MALRD1: variants seen among roughly 807,000 people sequenced by gnomAD.
MALRD1 encodes MAM and LDL receptor class A domain containing 1, also known as MAM and LDL-receptor class A domain-containing protein 1.
MALRD1 carries 247 observed loss-of-function variants against 242.1 expected under a neutral mutation model. The ratio of observed to expected loss-of-function variants is 1.02; its 90% CI spans 0.92 to 1.13. The LOEUF is 1.13. Among genes scored for constraint, MALRD1 ranks in the 50% most tolerant of loss-of-function variants. The probability of loss-of-function intolerance (pLI) is 0.00; values close to 1 mark genes in which losing one functional copy is unlikely to be tolerated. For missense variants in MALRD1, 2,989 were observed against 2,533.1 expected, an observed-to-expected ratio of 1.18 and a Z score of -3.86; for synonymous variants, 995 against 866.6, an observed-to-expected ratio of 1.15 and a Z score of -2.60.
intron 11 of MALRD1, among the ~76,000 whole-genome samples, chr10:19,148,510 A>T (rs185050220): frequency 6.6e-6 from 1 of 152,108 alleles, no homozygotes; most frequent in Non-Finnish European, 1.5e-5. Flanking sequence ...GAAGACTAGG[A>T]AAAACACCAG....
chr10:19,201,320 A>G (rs752314353), intron 14 of MALRD1, among the ~76,000 whole-genome samples: 9 of 152,160 alleles, frequency 5.9e-5, no homozygotes, highest in Non-Finnish European at 1.2e-4. Context: ...TTTTAACAGC[A>G]TAATTATCTG....
intron 28 of MALRD1, among the ~76,000 whole-genome samples, chr10:19,437,993 A>G (rs1207011928): frequency 1.3e-5 from 2 of 152,112 alleles, no homozygotes; most frequent in Non-Finnish European, 2.9e-5. Flanking sequence ...GCTATTAAAT[A>G]TGCCTTGGTA....
At position 19,534,023 on chromosome 10, in the gene MALRD1, G is replaced by A. The variant is rs373910504; in HGVS notation, c.5478+2672G>A. Among the ~76,000 whole-genome samples the A allele has an allele frequency of 5.9e-5, 9 of 152,278 alleles. No individual in the cohort carries two copies. The East Asian group carries it at 1.5e-3, about 26-fold the overall frequency. On this transcript the variant is annotated intron_variant, in intron 32 of 39. Transcript: ENST00000454679. Reference sequence around the variant, plus strand: ...GTTGGTAGCCATCTTTCCCCACAAAGGGAGAGAGATTGTTTGACAAAGAAG... The same window carrying A: ...GTTGGTAGCCATCTTTCCCCACAAAAGGAGAGAGATTGTTTGACAAAGAAG...
intron 28 of MALRD1, among the ~76,000 whole-genome samples, chr10:19,428,362 A>T (rs1833981623): frequency 6.6e-6 from 1 of 152,060 alleles, no homozygotes; most frequent in Non-Finnish European, 1.5e-5. Flanking sequence ...CTTCACCTGA[A>T]ATTGTTCTGA....
chr10:19,575,694 A>G (rs1836784388), intron 33 of MALRD1, among the ~76,000 whole-genome samples: 1 of 152,156 alleles, frequency 6.6e-6, no homozygotes, highest in Non-Finnish European at 1.5e-5. Context: ...CCTTCTAAAT[A>G]TCCACTTTGA....
At chr10:19,596,462 G>A (rs192237227) in intron 34 of MALRD1, among the ~76,000 whole-genome samples, 2 of 152,236 alleles carry the variant, frequency 1.3e-5, no homozygotes, top group East Asian at 3.9e-4. Context: ...GGGTGCAGTG[G>A]CTCAGGCCTA....
At chr10:19,551,656 G>C (rs1180045159) in intron 32 of MALRD1, among the ~76,000 whole-genome samples, 2 of 152,124 alleles carry the variant, frequency 1.3e-5, no homozygotes, top group Non-Finnish European at 2.9e-5. Context: ...TAGGAGTGGT[G>C]AGAGAGTGCA....
At chr10:19,324,792 C>A (rs1167600135) in intron 22 of MALRD1, among the ~76,000 whole-genome samples, 3 of 151,712 alleles carry the variant, frequency 2.0e-5, no homozygotes, top group Admixed American at 2.0e-4. Flanking sequence ...TGTAAAATGT[C>A]TCTTAGTTAA....
At chr10:19,220,644 A>T (rs1030478137) in intron 18 of MALRD1, among the ~76,000 whole-genome samples, 20 of 152,088 alleles carry the variant, frequency 1.3e-4, no homozygotes, top group African/African-American at 4.8e-4. Flanking sequence ...CGTTCTAGAT[A>T]CTCCAGTGTT....
chr10:19,388,107 C>T (rs987171327), intron 27 of MALRD1, among the ~76,000 whole-genome samples: 1 of 152,176 alleles, frequency 6.6e-6, no homozygotes, highest in Non-Finnish European at 1.5e-5. Flanking sequence ...AGTTCCTTGG[C>T]TTGTGTATGG....
chr10:19,088,589 ATTTT>A (rs1221146612), intron 4 of MALRD1, among the ~76,000 whole-genome samples: 14,274 of 59,232 alleles, frequency 0.24, 985 homozygotes, highest in African/African-American at 0.34. Context: ...TTATTTATTT[ATTTT>A]TTTTTATTAT....
At chr10:19,699,896 C>T (rs941090233) in intron 38 of MALRD1, among the ~76,000 whole-genome samples, 1 of 152,044 alleles carries the variant, frequency 6.6e-6, no homozygotes, top group East Asian at 1.9e-4. Context: ...CCAGGCCCCA[C>T]CTCCAACACT....
intron 2 of MALRD1, among the ~76,000 whole-genome samples, chr10:19,083,130 G>T (rs1228397738): frequency 6.6e-6 from 1 of 152,026 alleles, no homozygotes; most frequent in Non-Finnish European, 1.5e-5. Context: ...CAAAGATTAT[G>T]TTTCCACATA....
At chr10:19,165,265 A>ATATATATATATATATATATATATATT in intron 12 of MALRD1, among the ~76,000 whole-genome samples, 3 of 130,308 alleles carry the variant, frequency 2.3e-5, no homozygotes, top group African/African-American at 3.2e-5. Context: ...ATATATATAT[A>ATATATATATATATATATATATATATT]TTTTGTTTTG....
At chr10:19,393,212 A>G (rs1846411704) in intron 28 of MALRD1, among the ~76,000 whole-genome samples, 1 of 151,866 alleles carries the variant, frequency 6.6e-6, no homozygotes, top group Admixed American at 6.6e-5. Context: ...TGGCATCCTT[A>G]TTTTTGCTAA....
chr10:19,241,666 C>A (rs1838780372), intron 18 of MALRD1, among the ~76,000 whole-genome samples: 1 of 151,880 alleles, frequency 6.6e-6, no homozygotes. Context: ...GAAAATCTTT[C>A]TTCTTTTTTG....
intron 21 of MALRD1, among the ~76,000 whole-genome samples, chr10:19,283,851 G>T (rs1840952534): frequency 6.6e-6 from 1 of 152,188 alleles, no homozygotes; most frequent in Non-Finnish European, 1.5e-5. Flanking sequence ...AAGAAATAGA[G>T]TGCCTACTGT....
At chr10:19,654,193 C>T (rs932484445) in intron 36 of MALRD1, among the ~76,000 whole-genome samples, 1 of 152,022 alleles carries the variant, frequency 6.6e-6, no homozygotes, top group African/African-American at 2.4e-5. Context: ...GATACATCCC[C>T]TAGCATCCTC....
intron 1 of MALRD1, among the ~76,000 whole-genome samples, chr10:19,049,708 C>T (rs962824244): frequency 6.6e-6 from 1 of 152,018 alleles, no homozygotes; most frequent in Admixed American, 6.5e-5. Context: ...CATCCAGGAC[C>T]CAAATCTCCT....
Sources: gnomAD v4.1 joint callset for allele counts (sites outside exome capture counted in the v4.1 genomes callset) on GRCh38, gnomAD v4.1.1 for gene constraint, MANE v1.5 for transcripts, NCBI Gene and HGNC (gene_info 2026-07-23, HGNC 2026-07-21) for gene names.